Variants in SLIT3 observed in about 807,000 individuals in gnomAD.
SLIT3 encodes slit guidance ligand 3, also known as slit homolog 3 protein.
Under a neutral mutation model 184.0 loss-of-function variants are expected in SLIT3, and 68 were observed. The ratio of observed to expected loss-of-function variants is 0.37; its 90% CI spans 0.30 to 0.45. SLIT3 has a LOEUF of 0.45. SLIT3 is among the 20% of genes least tolerant of loss of function. The pLI is 1.00. For missense variants in SLIT3, 1,707 were observed against 2,026.0 expected, an observed-to-expected ratio of 0.84 and a Z score of 3.02; for synonymous variants, 831 against 828.6, an observed-to-expected ratio of 1.00 and a Z score of -0.05.
chr5:168,844,495 A>G, intron 6 of SLIT3, 89 bp downstream of exon 6: 1 of 1,206,594 alleles, frequency 8.3e-7, no homozygotes, highest in Non-Finnish European at 1.2e-6. Flanking sequence ...TCCTGCACAC[A>G]CTCTCCCCCT....
intron 4 of SLIT3, among the ~76,000 whole-genome samples, chr5:169,032,963 A>G (rs1161206158): frequency 8.0e-6 from 1 of 124,702 alleles, no homozygotes; most frequent in African/African-American, 3.2e-5. Flanking sequence ...TGGCAAGAGC[A>G]GCTGAAATCT....
chr5:168,895,145 A>G (rs1481685117), intron 4 of SLIT3, among the ~76,000 whole-genome samples: 1 of 152,190 alleles, frequency 6.6e-6, no homozygotes, highest in Non-Finnish European at 1.5e-5. Context: ...CCTAGTGTCT[A>G]CCCCACTGTA....
chr5:169,084,454 A>ATTTTTTTTTTTTTTTTTTTTT (rs56062027), intron 4 of SLIT3, among the ~76,000 whole-genome samples: 5 of 101,416 alleles, frequency 4.9e-5, no homozygotes, highest in South Asian at 3.3e-4. Context: ...CCATGCCCAG[A>ATTTTTTTTTTTTTTTTTTTTT]TTTTTTTTTT....
intron 4 of SLIT3, among the ~76,000 whole-genome samples, chr5:169,079,745 A>AG: frequency 9.8e-6 from 1 of 102,236 alleles, no homozygotes; most frequent in Non-Finnish European, 1.9e-5. Flanking sequence ...GAAGAGGAGG[A>AG]GAGAAGAGGA....
intron 2 of SLIT3, among the ~76,000 whole-genome samples, chr5:169,246,743 ACT>A (rs146242883): frequency 0.077 from 11,711 of 151,466 alleles, 553 homozygotes; most frequent in South Asian, 0.12. Context: ...ACATGGTGAA[ACT>A]CTGTCTCTAC....
intron 4 of SLIT3, among the ~76,000 whole-genome samples, chr5:168,967,796 TCA>T (rs1188593514): frequency 1.3e-5 from 2 of 152,122 alleles, no homozygotes; most frequent in African/African-American, 4.8e-5. Flanking sequence ...CCCTCTACAA[TCA>T]CAATATCTGG....
At chr5:168,697,382 C>A (rs1182966274) in intron 27 of SLIT3, among the ~76,000 whole-genome samples, 1 of 152,156 alleles carries the variant, frequency 6.6e-6, no homozygotes, top group Non-Finnish European at 1.5e-5. Context: ...CAGGACTGGG[C>A]GTGCAAGATC....
chr5:168,704,293 C>CA (rs1230192179), intron 26 of SLIT3, among the ~76,000 whole-genome samples: 8 of 138,720 alleles, frequency 5.8e-5, no homozygotes, highest in Admixed American at 5.4e-4. Flanking sequence ...CAAATCTTAA[C>CA]ATAATGGCAA....
chr5:169,244,067 C>T (rs939501951), intron 3 of SLIT3, among the ~76,000 whole-genome samples: 2 of 152,226 alleles, frequency 1.3e-5, no homozygotes, highest in Non-Finnish European at 2.9e-5. Context: ...CAAATGGAGG[C>T]TCCAACCATC....
chr5:168,693,361 G>A (rs1442625090), intron 28 of SLIT3, among the ~76,000 whole-genome samples: 1 of 152,192 alleles, frequency 6.6e-6, no homozygotes, highest in Admixed American at 6.5e-5. Flanking sequence ...AGTATGAAAG[G>A]AATTTGAAGT....
chr5:168,935,340 G>A (rs1337007174), intron 4 of SLIT3, among the ~76,000 whole-genome samples: 1 of 151,980 alleles, frequency 6.6e-6, no homozygotes, highest in Non-Finnish European at 1.5e-5. Flanking sequence ...ACTGTGCATT[G>A]AGGGCCTCTG....
intron 5 of SLIT3, among the ~76,000 whole-genome samples, chr5:168,881,094 C>T (rs772618874): frequency 1.2e-4 from 19 of 152,268 alleles, no homozygotes; most frequent in Middle Eastern, 3.4e-3. Flanking sequence ...TGAATTCACT[C>T]CCCTTTCCTT....
intron 23 of SLIT3, among the ~76,000 whole-genome samples, chr5:168,718,403 G>T (rs965867994): frequency 6.6e-6 from 1 of 152,098 alleles, no homozygotes; most frequent in Non-Finnish European, 1.5e-5. Context: ...GAAATTGCCT[G>T]CCCAGAGCTA....
chr5:168,716,469 C>CTTATGA (rs1762734926), intron 23 of SLIT3, among the ~76,000 whole-genome samples: 11 of 152,234 alleles, frequency 7.2e-5, no homozygotes, highest in Non-Finnish European at 1.5e-4. Flanking sequence ...CAGAAGCACT[C>CTTATGA]AGTCACATTA....
chr5:168,766,119 G>C lies in SLIT3; in HGVS notation c.1460-3430C>G, dbSNP rs983701105. Among the ~76,000 whole-genome samples, 6 of 152,322 alleles carry C rather than the reference G, an allele frequency of 3.9e-5. 1 individual carries two copies. Among genetic ancestry groups the C allele is most frequent in the Admixed American group, 2.6e-4 (4 of 15,308 alleles). On this transcript the variant is annotated intron_variant, in intron 14 of 35. Transcript: ENST00000519560. ...AGAGGCCAGCACCAGGTCCAGGATG[G>C]CTGCTGCCATCAACGGTATGCATTT...
At chr5:168,841,430 C>T (rs77578607) in intron 6 of SLIT3, among the ~76,000 whole-genome samples, 3,049 of 152,250 alleles carry the variant, frequency 0.02, 120 homozygotes, top group African/African-American at 0.07. Context: ...TGAGAAGTTT[C>T]GCCCCCGATA....
intron 18 of SLIT3, among the ~76,000 whole-genome samples, chr5:168,750,898 A>G (rs1754673181): frequency 6.6e-6 from 1 of 152,130 alleles, no homozygotes; most frequent in South Asian, 2.1e-4. Flanking sequence ...TATATGATTA[A>G]CAGCAAGTTA....
intron 4 of SLIT3, among the ~76,000 whole-genome samples, chr5:168,920,471 G>C (rs1487606938): frequency 1.3e-5 from 2 of 152,152 alleles, no homozygotes; most frequent in African/African-American, 2.4e-5. Flanking sequence ...TAGAGGCAGG[G>C]AGGATAATCT....
At chr5:168,966,874 G>A (rs1763213173) in intron 4 of SLIT3, among the ~76,000 whole-genome samples, 1 of 152,148 alleles carries the variant, frequency 6.6e-6, no homozygotes, top group Non-Finnish European at 1.5e-5. Flanking sequence ...ATATAAACCG[G>A]TAATGTCTTT....
Sources: gnomAD v4.1 joint callset for allele counts (sites outside exome capture counted in the v4.1 genomes callset) on GRCh38, gnomAD v4.1.1 for gene constraint, MANE v1.5 for transcripts, NCBI Gene and HGNC (gene_info 2026-07-23, HGNC 2026-07-21) for gene names.